Variants in HS3ST5 observed in about 807,000 individuals in gnomAD.
The protein encoded by HS3ST5 is heparan sulfate-glucosamine 3-sulfotransferase 5.
A neutral mutation model predicts 25.4 loss-of-function variants in HS3ST5; 10 were observed. The ratio of observed to expected loss-of-function variants is 0.39; its 90% CI spans 0.24 to 0.67. The LOEUF (loss-of-function observed/expected upper bound fraction) is 0.67. Ranked by LOEUF, HS3ST5 falls within the 30% of genes least tolerant of loss-of-function variation. The probability of loss-of-function intolerance (pLI) is 0.44; values close to 1 mark genes in which losing one functional copy is unlikely to be tolerated. For missense variants in HS3ST5, 324 were observed against 420.7 expected, an observed-to-expected ratio of 0.77 and a Z score of 2.01; for synonymous variants, 170 against 162.4, an observed-to-expected ratio of 1.05 and a Z score of -0.36.
At chr6:114,210,807 TGAGACAAGATTTACATA>T (rs1486248887) in intron 2 of HS3ST5, among the ~76,000 whole-genome samples, 1 of 152,224 alleles carries the variant, frequency 6.6e-6, no homozygotes, top group Non-Finnish European at 1.5e-5. Context: ...CTACGTAAAT[TGAGACAAGATTTACATA>T]CCATTCCACA....
chr6:114,214,167 C>T (rs1781644183), intron 2 of HS3ST5, among the ~76,000 whole-genome samples: 1 of 152,220 alleles, frequency 6.6e-6, no homozygotes, highest in African/African-American at 2.4e-5. Context: ...TAGCATTTAT[C>T]ACTTTTCAAA....
intron 3 of HS3ST5, among the ~76,000 whole-genome samples, chr6:114,071,048 C>T (rs9481416): frequency 0.011 from 1,678 of 152,322 alleles, 25 homozygotes; most frequent in African/African-American, 0.035. Flanking sequence ...ACCCTGTACT[C>T]CTTTCCACTG....
chr6:114,119,499 A>C (rs1442021951), intron 3 of HS3ST5, among the ~76,000 whole-genome samples: 1 of 152,242 alleles, frequency 6.6e-6, no homozygotes, highest in Non-Finnish European at 1.5e-5. Flanking sequence ...TGTAATGTTA[A>C]GGACAACATG....
At chr6:114,202,418 TA>T (rs1460313332) in intron 2 of HS3ST5, among the ~76,000 whole-genome samples, 1 of 152,180 alleles carries the variant, frequency 6.6e-6, no homozygotes, top group Non-Finnish European at 1.5e-5. Context: ...CCCTCCCCTC[TA>T]AAATATAAGT....
At chr6:114,092,095 T>C (rs185324760) in intron 3 of HS3ST5, among the ~76,000 whole-genome samples, 40 of 152,362 alleles carry the variant, frequency 2.6e-4, no homozygotes, top group Middle Eastern at 6.8e-3. Flanking sequence ...GAGAAGAAAT[T>C]ATATGCCACT....
In HS3ST5 at chr6:114,098,179, T is replaced by A. The variant is rs370301674; in HGVS notation, c.-32-35302A>T. ...AGTTGGTAAGATAAAGTTATTATGA[T>A]CTTTTGCTTAACCTGGAAGTTTTTG... On this transcript the variant is annotated intron_variant, in intron 3 of 4. Transcript: ENST00000312719. Among the ~76,000 whole-genome samples the A allele has an allele frequency of 4.6e-5, 7 of 152,094 alleles. No homozygotes were observed. In the East Asian group the frequency reaches 9.6e-4, roughly 21 times the overall value.
At chr6:114,307,773 G>A (rs56239145) in intron 1 of HS3ST5, among the ~76,000 whole-genome samples, 6,241 of 151,792 alleles carry the variant, frequency 0.041, 180 homozygotes, top group Middle Eastern at 0.067. Flanking sequence ...GAATATGACC[G>A]TTTTAATTAA....
chr6:114,310,618 G>A (rs1437166752), intron 1 of HS3ST5, among the ~76,000 whole-genome samples: 1 of 151,448 alleles, frequency 6.6e-6, no homozygotes, highest in Admixed American at 6.6e-5. Flanking sequence ...ATGGATGTTT[G>A]TTGTATATAG....
intron 1 of HS3ST5, among the ~76,000 whole-genome samples, chr6:114,231,818 G>C (rs1355727966): frequency 1.3e-5 from 2 of 150,228 alleles, no homozygotes; most frequent in Non-Finnish European, 3.0e-5. Context: ...GTAAAATGCA[G>C]CCTCTGGAAC....
intron 1 of HS3ST5, among the ~76,000 whole-genome samples, chr6:114,237,921 A>G (rs767419001): frequency 3.9e-5 from 6 of 152,240 alleles, no homozygotes; most frequent in African/African-American, 1.2e-4. Context: ...CAGAATATAC[A>G]CTTTCTAAAA....
intron 1 of HS3ST5, among the ~76,000 whole-genome samples, chr6:114,291,663 T>A (rs1397757371): frequency 2.0e-5 from 3 of 152,182 alleles, no homozygotes; most frequent in African/African-American, 7.2e-5. Context: ...GAATGTCTGA[T>A]AAATGGATGG....
intron 1 of HS3ST5, among the ~76,000 whole-genome samples, chr6:114,325,388 AAAACAT>A (rs1341344090): frequency 6.6e-6 from 1 of 152,240 alleles, no homozygotes; most frequent in African/African-American, 2.4e-5. Context: ...ATAACTTTCA[AAAACAT>A]GTTAGGACAG....
intron 3 of HS3ST5, among the ~76,000 whole-genome samples, chr6:114,141,353 T>C (rs573275260): frequency 6.6e-6 from 1 of 152,358 alleles, no homozygotes; most frequent in Middle Eastern, 3.4e-3. Flanking sequence ...AGCATATCAG[T>C]ATATCAGCAA....
At chr6:114,104,604 C>T (rs1054074746) in intron 3 of HS3ST5, among the ~76,000 whole-genome samples, 13 of 152,140 alleles carry the variant, frequency 8.5e-5, no homozygotes, top group African/African-American at 2.7e-4. Flanking sequence ...AGCAACATGT[C>T]GGGCATGAAA....
chr6:114,070,101 C>G (rs1487047938), intron 3 of HS3ST5, among the ~76,000 whole-genome samples: 1 of 152,056 alleles, frequency 6.6e-6, no homozygotes, highest in Non-Finnish European at 1.5e-5. Flanking sequence ...CCCCTCCCAA[C>G]CTTACCCCGA....
intron 1 of HS3ST5, among the ~76,000 whole-genome samples, chr6:114,245,881 G>T (rs1359458169): frequency 6.6e-6 from 1 of 152,178 alleles, no homozygotes; most frequent in East Asian, 1.9e-4. Flanking sequence ...AGTAAAACTA[G>T]TGCCAAATCT....
chr6:114,184,539 A>T (rs1780125531), intron 2 of HS3ST5, among the ~76,000 whole-genome samples: 1 of 152,234 alleles, frequency 6.6e-6, no homozygotes, highest in Admixed American at 6.5e-5. Context: ...ATTTCACAGG[A>T]TGTGACCATA....
At chr6:114,124,650 A>G (rs1776951340) in intron 3 of HS3ST5, among the ~76,000 whole-genome samples, 1 of 151,008 alleles carries the variant, frequency 6.6e-6, no homozygotes, top group African/African-American at 2.4e-5. Context: ...TTTTTTAATC[A>G]AATGGGACCA....
intron 2 of HS3ST5, among the ~76,000 whole-genome samples, chr6:114,222,728 T>A (rs1179673444): frequency 6.6e-6 from 1 of 151,754 alleles, no homozygotes; most frequent in Non-Finnish European, 1.5e-5. Flanking sequence ...GATAGAATGG[T>A]TTGTGGCTGT....
Sources: gnomAD v4.1 joint callset for allele counts (sites outside exome capture counted in the v4.1 genomes callset) on GRCh38, gnomAD v4.1.1 for gene constraint, MANE v1.5 for transcripts, NCBI Gene and HGNC (gene_info 2026-07-23, HGNC 2026-07-21) for gene names.